Variants in CDH20 observed in about 807,000 individuals in gnomAD.
CDH20 encodes the protein cadherin 20.
A neutral mutation model predicts 74.2 loss-of-function variants in CDH20; 29 were observed. The ratio of observed to expected loss-of-function variants is 0.39; its 90% CI spans 0.29 to 0.53. CDH20 has a LOEUF of 0.53. Ranked by LOEUF, CDH20 falls within the 20% of genes least tolerant of loss-of-function variation. The pLI is 0.69. For synonymous variants in CDH20, 469 were observed against 405.4 expected (o/e 1.16, Z -1.88); for missense variants, 988 against 1,048.3 (o/e 0.94, Z 0.79).
intron 1 of CDH20, among the ~76,000 whole-genome samples, chr18:61,407,883 G>A (rs1912381297): frequency 6.6e-6 from 1 of 152,176 alleles, no homozygotes; most frequent in Admixed American, 6.5e-5. Flanking sequence ...ATTGTATCCT[G>A]GACCAGAAAC....
At chr18:61,358,337 G>T (rs1174657265) in intron 1 of CDH20, among the ~76,000 whole-genome samples, 3 of 151,710 alleles carry the variant, frequency 2.0e-5, no homozygotes, top group Admixed American at 6.6e-5. Flanking sequence ...AGCCAGGATG[G>T]TCTCGATCTC....
chr18:61,401,338 C>T (rs1912147891), intron 1 of CDH20, among the ~76,000 whole-genome samples: 1 of 152,254 alleles, frequency 6.6e-6, no homozygotes, highest in East Asian at 1.9e-4. Flanking sequence ...GAAGAGGGAA[C>T]TCATATTTAT....
chr18:61,364,096 G>A (rs1286289849), intron 1 of CDH20, among the ~76,000 whole-genome samples: 2 of 152,202 alleles, frequency 1.3e-5, no homozygotes, highest in South Asian at 2.1e-4. Flanking sequence ...ATAACTCCCT[G>A]GATTATATGT....
At chr18:61,410,732 T>TA (rs1209254457) in intron 1 of CDH20, among the ~76,000 whole-genome samples, 3 of 152,210 alleles carry the variant, frequency 2.0e-5, no homozygotes, top group Non-Finnish European at 2.9e-5. Flanking sequence ...CCCCTCCTTT[T>TA]ACCATCAAGC....
At chr18:61,355,012 G>C (rs1485834588) in intron 1 of CDH20, among the ~76,000 whole-genome samples, 1 of 152,214 alleles carries the variant, frequency 6.6e-6, no homozygotes, top group African/African-American at 2.4e-5. Flanking sequence ...GTCCGAGGCT[G>C]ACCAGGAGAG....
chr18:61,403,323 G>T (rs753832609), intron 1 of CDH20, among the ~76,000 whole-genome samples: 2 of 152,190 alleles, frequency 1.3e-5, no homozygotes, highest in African/African-American at 4.8e-5. Context: ...AGCTAAAAAG[G>T]TCAGTTTGGT....
At chr18:61,364,022 C>A (rs931826771) in intron 1 of CDH20, among the ~76,000 whole-genome samples, 1 of 152,230 alleles carries the variant, frequency 6.6e-6, no homozygotes, top group African/African-American at 2.4e-5. Context: ...ACCAGATACA[C>A]TTGGAACTGC....
In CDH20 at chr18:61,353,843, A is replaced by G. The variant is rs529663403; in HGVS notation, c.-153+20016A>G. 6.6e-6 allele frequency among the ~76,000 whole-genome samples: 1 copy of G among 152,262 alleles called. No individual in the cohort carries two copies. The highest frequency in any genetic ancestry group is 2.1e-4 in the South Asian group (1 of 4,822). On this transcript the variant is annotated intron_variant, in intron 1 of 11. Transcript: ENST00000262717. This position sits in a 1 kb window ranked among gnomAD's most constrained non-coding sequence, Gnocchi z 4.6. ...ATGCCTGTAATCCCAGCATTTTAGGAGGCCGGGGCGGTTGGATTGCCTGAA... is the reference window on the plus strand; with the variant it reads ...ATGCCTGTAATCCCAGCATTTTAGGGGGCCGGGGCGGTTGGATTGCCTGAA...
chr18:61,540,506 C>G (rs1330512341), intron 9 of CDH20, among the ~76,000 whole-genome samples: 2 of 152,154 alleles, frequency 1.3e-5, no homozygotes, highest in Non-Finnish European at 2.9e-5. Flanking sequence ...GCAGGCAAGA[C>G]AGACTAAGAG....
Position 61,507,364 on chromosome 18 carries a change from TC to T in CDH20, c.830-8del. 1 of 1,609,036 alleles carries T rather than the reference TC, an allele frequency of 6.2e-7. No homozygotes were observed. Reference sequence around the variant, plus strand: ...TATCAAGAATGCGTGTCCTGGCTTTTCTTCGTAGAACATTACCAGATGAGTG... The same window carrying T: ...TATCAAGAATGCGTGTCCTGGCTTTTTTCGTAGAACATTACCAGATGAGTG... On this transcript the variant is annotated splice_polypyrimidine_tract_variant and splice_region_variant and intron_variant, in intron 5 of 11. Transcript: ENST00000262717.
chr18:61,343,701 G>T (rs1433031167), intron 1 of CDH20, among the ~76,000 whole-genome samples: 1 of 152,124 alleles, frequency 6.6e-6, no homozygotes, highest in Admixed American at 6.5e-5. Context: ...CAAAATAGCC[G>T]ACCTGACACA....
At chr18:61,420,679 C>T (rs1912844146) in intron 1 of CDH20, among the ~76,000 whole-genome samples, 2 of 152,154 alleles carry the variant, frequency 1.3e-5, no homozygotes, top group African/African-American at 4.8e-5. Context: ...TCCTTTTCAG[C>T]TTGAACTCTT....
chr18:61,515,085 G>T (rs558724324), intron 6 of CDH20, among the ~76,000 whole-genome samples: 1 of 152,110 alleles, frequency 6.6e-6, no homozygotes, highest in Non-Finnish European at 1.5e-5. Context: ...AATGGCGGGC[G>T]CCCCTCCCCC....
intron 1 of CDH20, among the ~76,000 whole-genome samples, chr18:61,480,023 G>A (rs1910532475): frequency 2.6e-5 from 4 of 152,118 alleles, no homozygotes; most frequent in Admixed American, 2.6e-4. Context: ...TGAAAGGGTA[G>A]AATAAAAACA....
chr18:61,348,694 T>C (rs1910212099), intron 1 of CDH20, among the ~76,000 whole-genome samples: 1 of 152,044 alleles, frequency 6.6e-6, no homozygotes, highest in East Asian at 1.9e-4. Context: ...TCACCCCATC[T>C]AAAGAAAGGA....
chr18:61,516,756 G>C (rs1912016000), intron 6 of CDH20, among the ~76,000 whole-genome samples: 2 of 152,154 alleles, frequency 1.3e-5, no homozygotes, highest in Non-Finnish European at 2.9e-5. Context: ...TAAGAGCTGA[G>C]CAGAGTGGTT....
chr18:61,402,099 G>C (rs1912173600), intron 1 of CDH20, among the ~76,000 whole-genome samples: 1 of 152,200 alleles, frequency 6.6e-6, no homozygotes, highest in Non-Finnish European at 1.5e-5. Context: ...CCTTTGCAAA[G>C]AGACATTTTC....
At chr18:61,395,154 T>TA (rs1234972396) in intron 1 of CDH20, among the ~76,000 whole-genome samples, 2 of 152,108 alleles carry the variant, frequency 1.3e-5, no homozygotes, top group Non-Finnish European at 2.9e-5. Flanking sequence ...TGGCCATAGT[T>TA]ACATCATTCA....
At chr18:61,436,928 T>C (rs1008559367) in intron 1 of CDH20, among the ~76,000 whole-genome samples, 3 of 152,088 alleles carry the variant, frequency 2.0e-5, no homozygotes, top group Non-Finnish European at 4.4e-5. Context: ...TCACTTAACC[T>C]CTCTAGTCTC....
Sources: gnomAD v4.1 joint callset for allele counts (sites outside exome capture counted in the v4.1 genomes callset) on GRCh38, gnomAD v4.1.1 for gene constraint, Gnocchi (gnomAD v3.1) non-coding constraint, MANE v1.5 for transcripts, NCBI Gene and HGNC (gene_info 2026-07-23, HGNC 2026-07-21) for gene names.